OPCML: variants seen among roughly 807,000 people sequenced by gnomAD.
The protein encoded by OPCML is opioid-binding protein/cell adhesion molecule.
A neutral mutation model predicts 37.8 loss-of-function variants in OPCML; 13 were observed. The observed-to-expected ratio is 0.34, with a 90% confidence interval of 0.22 to 0.55. OPCML has a LOEUF of 0.55. Ranked by LOEUF, OPCML falls within the 20% of genes least tolerant of loss-of-function variation. OPCML has a pLI of 0.91. For synonymous variants in OPCML, 176 were observed against 168.8 expected (o/e 1.04, Z -0.33); for missense variants, 341 against 435.6 (o/e 0.78, Z 1.93).
intron 2 of OPCML, among the ~76,000 whole-genome samples, chr11:132,932,691 T>TTATATA (rs3077742): frequency 1.3e-4 from 19 of 143,654 alleles, no homozygotes; most frequent in East Asian, 1.0e-3. Flanking sequence ...TATATATATA[T>TTATATA]TATATATATA....
At chr11:133,214,608 A>G (rs11223398) in intron 1 of OPCML, among the ~76,000 whole-genome samples, 17,219 of 152,260 alleles carry the variant, frequency 0.11, 1,073 homozygotes, top group Non-Finnish European at 0.14. Context: ...AAATTATCCA[A>G]CTAGAGCTTT....
At chr11:133,097,532 A>G (rs1183740149) in intron 1 of OPCML, among the ~76,000 whole-genome samples, 2 of 152,162 alleles carry the variant, frequency 1.3e-5, no homozygotes, top group South Asian at 2.1e-4. Context: ...ACAAACGTCA[A>G]TGAAATAGAA....
At chr11:133,265,728 C>G (rs749795224) in intron 1 of OPCML, among the ~76,000 whole-genome samples, 35 of 152,164 alleles carry the variant, frequency 2.3e-4, no homozygotes, top group Non-Finnish European at 5.0e-4. Context: ...GTACCACAGA[C>G]GCTGCCGGCG....
At chr11:133,286,470 C>CTA (rs1942303203) in intron 1 of OPCML, among the ~76,000 whole-genome samples, 1 of 51,308 alleles carries the variant, frequency 1.9e-5, no homozygotes, top group African/African-American at 6.5e-5. Context: ...CTGTGTCTCA[C>CTA]AAAAAAAAAA....
At chr11:132,686,272 G>A (rs1943155908) in intron 2 of OPCML, among the ~76,000 whole-genome samples, 1 of 152,152 alleles carries the variant, frequency 6.6e-6, no homozygotes, top group Non-Finnish European at 1.5e-5. Flanking sequence ...TGAAAATGAG[G>A]ACAGAAACCA....
At chr11:133,250,814 G>T (rs941718264) in intron 1 of OPCML, among the ~76,000 whole-genome samples, 1 of 152,130 alleles carries the variant, frequency 6.6e-6, no homozygotes. Flanking sequence ...AACTGTAGTT[G>T]ATGGCTCTTC....
intron 1 of OPCML, among the ~76,000 whole-genome samples, chr11:133,010,081 T>C (rs1223325124): frequency 6.6e-6 from 1 of 152,180 alleles, no homozygotes; most frequent in African/African-American, 2.4e-5. Flanking sequence ...TTGGGATGCC[T>C]TTGCATTTTG....
intron 2 of OPCML, chr11:132,860,088 A>G (rs1942237515): frequency 6.6e-6 from 1 of 152,226 alleles, no homozygotes; most frequent in African/African-American, 2.4e-5. Context: ...TAATACATCA[A>G]CTGTGGTAGG....
chr11:132,651,116 G>C (rs1011801540), intron 3 of OPCML, among the ~76,000 whole-genome samples: 1 of 152,110 alleles, frequency 6.6e-6, no homozygotes, highest in Admixed American at 6.5e-5. Flanking sequence ...TCACCTCAGG[G>C]CCCACCCTTT....
intron 1 of OPCML, among the ~76,000 whole-genome samples, chr11:132,969,036 G>A (rs1030072467): frequency 6.6e-5 from 10 of 151,934 alleles, no homozygotes; most frequent in African/African-American, 1.2e-4. Flanking sequence ...GGAAACAGGT[G>A]GTATCTGGTT....
chr11:132,462,841 T>C (rs2096107283), intron 4 of OPCML, among the ~76,000 whole-genome samples: 1 of 152,092 alleles, frequency 6.6e-6, no homozygotes, highest in South Asian at 2.1e-4. Context: ...AACACTCAAG[T>C]TTGTATCTGG....
At chr11:133,321,168 T>A (rs536192008) in intron 1 of OPCML, among the ~76,000 whole-genome samples, 81 of 151,894 alleles carry the variant, frequency 5.3e-4, no homozygotes, top group African/African-American at 1.1e-3. Context: ...ATACTTTTTT[T>A]AAAAAAAACA....
chr11:132,452,751 C>T (rs1395420862), intron 4 of OPCML, among the ~76,000 whole-genome samples: 1 of 152,240 alleles, frequency 6.6e-6, no homozygotes, highest in South Asian at 2.1e-4. Flanking sequence ...ACTAAAGACC[C>T]TTTCTCAGCA....
intron 4 of OPCML, among the ~76,000 whole-genome samples, chr11:132,480,893 C>T (rs1001778060): frequency 1.3e-4 from 20 of 151,970 alleles, no homozygotes; most frequent in Middle Eastern, 3.4e-3. Context: ...AAGGAACAAC[C>T]GCTACCAGCC....
chr11:133,052,537 C>T (rs962948928), intron 1 of OPCML, among the ~76,000 whole-genome samples: 15 of 152,168 alleles, frequency 9.9e-5, no homozygotes, highest in Admixed American at 2.6e-4. Flanking sequence ...TGCCCTTCAC[C>T]GCCAGCCCAG....
intron 2 of OPCML, among the ~76,000 whole-genome samples, chr11:132,755,315 T>C (rs1233170562): frequency 1.3e-5 from 2 of 152,224 alleles, no homozygotes; most frequent in African/African-American, 4.8e-5. Flanking sequence ...AAATTATATA[T>C]GTTTCTACAG....
intron 1 of OPCML, among the ~76,000 whole-genome samples, chr11:133,497,091 C>T (rs1348024654): frequency 6.6e-6 from 1 of 152,136 alleles, no homozygotes; most frequent in Non-Finnish European, 1.5e-5. Flanking sequence ...GCCGATTTTG[C>T]TGAGAGTTTT....
At chr11:133,248,314 G>A (rs538602626) in intron 1 of OPCML, among the ~76,000 whole-genome samples, 2 of 152,292 alleles carry the variant, frequency 1.3e-5, no homozygotes, top group Admixed American at 6.5e-5. Context: ...TGTGGGTTAG[G>A]GCGTACCTTT....
intron 1 of OPCML, among the ~76,000 whole-genome samples, chr11:133,319,810 G>A (rs1033069504): frequency 2.6e-5 from 4 of 152,150 alleles, no homozygotes; most frequent in Non-Finnish European, 5.9e-5. Context: ...AGCTCCTGAG[G>A]TCGCCCTGGA....
Sources: allele counts gnomAD v4.1 joint callset (sites outside exome capture counted in the v4.1 genomes callset), GRCh38; gene constraint gnomAD v4.1.1; transcripts MANE v1.5; gene names NCBI Gene and HGNC (gene_info 2026-07-23, HGNC 2026-07-21).